The following CIRSR variants were observed in gnomAD, a reference collection of about 807,000 sequenced individuals.
CIRSR encodes the protein corepressor of RBPJ and splicing regulator.
At chr2:174,354,639 TTA>T in the CIRSR span, among the ~76,000 whole-genome samples, 5 of 85,646 alleles carry the variant, frequency 5.8e-5, no homozygotes, top group Non-Finnish European at 8.6e-5. Flanking sequence ...ATAATATATA[TTA>T]TATATTTTTA....
the CIRSR span, among the ~76,000 whole-genome samples, chr2:174,369,339 G>C: frequency 2.0e-5 from 3 of 152,146 alleles, no homozygotes; most frequent in African/African-American, 4.8e-5. Context: ...GAGAGTCTGG[G>C]GCCTTGCTTT....
At chr2:174,379,148 T>C in the CIRSR span, 1 of 765,154 alleles carries the variant, frequency 1.3e-6, no homozygotes, top group Non-Finnish European at 2.2e-6. Flanking sequence ...TTTTAAAAGA[T>C]CTCCAGGGAA....
the CIRSR span, among the ~76,000 whole-genome samples, chr2:174,388,623 A>AATAT: frequency 2.6e-5 from 4 of 151,134 alleles, no homozygotes; most frequent in Non-Finnish European, 5.9e-5. Flanking sequence ...AAGATGTTCT[A>AATAT]ATATATATAT....
the CIRSR span, chr2:174,351,476 T>C: frequency 1.8e-6 from 1 of 543,886 alleles, no homozygotes; most frequent in Non-Finnish European, 3.1e-6. Flanking sequence ...TAAAGCAAAA[T>C]CAAAACACAT....
At chr2:174,352,764 T>C in the CIRSR span, among the ~76,000 whole-genome samples, 1 of 152,164 alleles carries the variant, frequency 6.6e-6, no homozygotes, top group East Asian at 1.9e-4. Flanking sequence ...TCACCTACAC[T>C]GGCTTAAATG....
the CIRSR span, among the ~76,000 whole-genome samples, chr2:174,353,296 T>A: frequency 6.6e-6 from 1 of 152,248 alleles, no homozygotes; most frequent in Non-Finnish European, 1.5e-5. Context: ...AGAGGGTTTT[T>A]AATTTTTTTC....
the CIRSR span, among the ~76,000 whole-genome samples, chr2:174,354,454 TATA>T: frequency 0.017 from 1,631 of 97,856 alleles, 68 homozygotes; most frequent in African/African-American, 0.065. Flanking sequence ...TATTATATAA[TATA>T]ATATATAAAA....
the CIRSR span, chr2:174,369,975 G>C: frequency 7.3e-7 from 1 of 1,364,734 alleles, no homozygotes; most frequent in Non-Finnish European, 9.8e-7. Context: ...GATTTGCTCA[G>C]CACAGGCTTA....
the CIRSR span, among the ~76,000 whole-genome samples, chr2:174,356,128 G>GA: frequency 1.3e-5 from 2 of 152,086 alleles, no homozygotes; most frequent in Non-Finnish European, 2.9e-5. Context: ...TTAAGTAGGA[G>GA]AAAAGGGGGC....
chr2:174,348,430 TA>T, the CIRSR span: 31 of 1,525,066 alleles, frequency 2.0e-5, no homozygotes, highest in African/African-American at 3.9e-4. Context: ...AGGTATTCAA[TA>T]AAAAAGTGGA....
chr2:174,356,507 G>A, the CIRSR span, among the ~76,000 whole-genome samples: 1 of 92,320 alleles, frequency 1.1e-5, no homozygotes, highest in East Asian at 5.5e-4. Flanking sequence ...AAGGAAGAAG[G>A]GAAGGAAGAA....
At chr2:174,382,457 G>C in the CIRSR span, among the ~76,000 whole-genome samples, 1 of 152,106 alleles carries the variant, frequency 6.6e-6, no homozygotes, top group African/African-American at 2.4e-5. Flanking sequence ...TGGTCAACAT[G>C]CAGAAACCCC....
the CIRSR span, among the ~76,000 whole-genome samples, chr2:174,350,154 T>C: frequency 2.0e-4 from 28 of 143,252 alleles, 1 homozygote; most frequent in South Asian, 6.1e-3. Flanking sequence ...AGGTTCTGTC[T>C]AGCCATTCTC....
the CIRSR span, chr2:174,380,106 T>A: frequency 2.8e-6 from 2 of 724,044 alleles, no homozygotes. Context: ...AAAACCATAG[T>A]GCCCCTTTTC....
At chr2:174,349,766 T>C in the CIRSR span, among the ~76,000 whole-genome samples, 10 of 152,126 alleles carry the variant, frequency 6.6e-5, no homozygotes, top group Admixed American at 3.3e-4. Flanking sequence ...GTTGAAATTA[T>C]ATAGCACTCT....
the CIRSR span, among the ~76,000 whole-genome samples, chr2:174,363,318 C>T: frequency 6.6e-6 from 1 of 152,146 alleles, no homozygotes; most frequent in East Asian, 1.9e-4. Context: ...ACCCTTAATC[C>T]TGAAAGAGGA....
the CIRSR span, among the ~76,000 whole-genome samples, chr2:174,352,741 T>C: frequency 2.0e-5 from 3 of 152,314 alleles, no homozygotes; most frequent in South Asian, 2.1e-4. Context: ...CTATTTAAAG[T>C]TGCCAGCCTA....
chr2:174,379,011 G>A, the CIRSR span: 1 of 1,613,952 alleles, frequency 6.2e-7, no homozygotes, highest in Middle Eastern at 1.7e-4. Flanking sequence ...GACCCCATTT[G>A]TGACATTTAA....
At chr2:174,354,500 TATTA>T in the CIRSR span, among the ~76,000 whole-genome samples, 5 of 35,642 alleles carry the variant, frequency 1.4e-4, no homozygotes, top group Non-Finnish European at 2.5e-4. Context: ...ATATAAATTA[TATTA>T]TATATATCAT....
Sources: allele counts gnomAD v4.1 joint callset (sites outside exome capture counted in the v4.1 genomes callset), GRCh38; gene constraint gnomAD v4.1.1; transcripts MANE v1.5; gene names NCBI Gene and HGNC (gene_info 2026-07-23, HGNC 2026-07-21).